ANXA2: variants seen among roughly 807,000 people sequenced by gnomAD.
ANXA2 encodes annexin II.
Under a neutral mutation model 47.3 loss-of-function variants are expected in ANXA2, and 28 were observed. That is an observed-to-expected ratio of 0.59 (90% confidence interval 0.44 to 0.81). The LOEUF (loss-of-function observed/expected upper bound fraction) is 0.81, where lower values mean the gene tolerates loss of function less well. ANXA2 is among the 40% of genes least tolerant of loss of function. The pLI is 0.00. For missense variants in ANXA2, 384 were observed against 414.3 expected, an observed-to-expected ratio of 0.93 and a Z score of 0.64; for synonymous variants, 172 against 155.5, an observed-to-expected ratio of 1.11 and a Z score of -0.79.
intron 1 of ANXA2, among the ~76,000 whole-genome samples, chr15:60,388,959 T>C (rs150246868): frequency 3.9e-5 from 6 of 152,138 alleles, no homozygotes; most frequent in Admixed American, 6.5e-5. Flanking sequence ...GCTGACAGTC[T>C]TCTTGACAGA....
intron 11 of ANXA2, among the ~76,000 whole-genome samples, chr15:60,350,137 GAGGGGAAGGCAGGGAGGC>G (rs1366879192): frequency 0.015 from 503 of 33,282 alleles, 122 homozygotes; most frequent in Middle Eastern, 0.036. Flanking sequence ...GGCAGGGAGG[GAGGGGAAGGCAGGGAGGC>G]AGGGGAAGGC....
intron 12 of ANXA2, 87 bp downstream of exon 12, chr15:60,348,988 C>G: frequency 6.6e-7 from 1 of 1,518,030 alleles, no homozygotes; most frequent in Non-Finnish European, 9.0e-7. Context: ...AGAAAATCGC[C>G]ACTCTGTCAT....
intron 3 of ANXA2, among the ~76,000 whole-genome samples, chr15:60,367,326 C>A (rs1340060862): frequency 8.1e-6 from 1 of 123,594 alleles, no homozygotes; most frequent in Non-Finnish European, 1.7e-5. Context: ...GGCGCCTCTG[C>A]CCGGCCGCCC....
At chr15:60,397,164 C>A in intron 1 of ANXA2, 2 of 683,024 alleles carry the variant, frequency 2.9e-6, no homozygotes, top group African/African-American at 3.9e-5. Context: ...GGCCCCGGGG[C>A]CACGCCCTTC....
rs570545585 is a variant in ANXA2, at chr15:60,382,312, T to C, written c.148+30A>G. 5 of 1,565,454 alleles carry C rather than the reference T, an allele frequency of 3.2e-6. No homozygotes were observed. The African/African-American group carries it at 5.4e-5, about 17-fold the overall frequency. ...AACCAAAAATGTCTCAGTAAGACCC[T>C]GACAAGAAGAGGACAAATGTATCAC... On this transcript the variant is annotated intron_variant, in intron 3 of 12. Transcript: ENST00000451270.
intron 5 of ANXA2, among the ~76,000 whole-genome samples, chr15:60,357,713 G>T (rs926693298): frequency 1.3e-5 from 2 of 151,672 alleles, no homozygotes; most frequent in Admixed American, 6.6e-5. Flanking sequence ...AGAATGGCGT[G>T]AACCTGGGAG....
In ANXA2 at chr15:60,354,187, G is replaced by A. The variant is rs1234698939; in HGVS notation, c.555C>T (p.Val185=). The change falls in exon 8 of 13, where the codon GTC becomes GTT. Residue 185 remains valine (V), a synonymous_variant. Coordinates refer to ENST00000451270, the MANE Select transcript of ANXA2 (RefSeq NM_004039.3). The part of the protein sequence containing the change: ...AKGRRAEDGS[V]IDYELIDQDA... ...CTTGGTCAATCAGTTCATAATCAAT[G>A]ACAGAGCCATCCTCTGCTCTTCTAC... 2 of 1,613,782 alleles carry A rather than the reference G, an allele frequency of 1.2e-6. No individual in the cohort carries two copies. Among genetic ancestry groups the A allele is most frequent in the Admixed American group, 3.3e-5 (2 of 59,972 alleles).
intron 4 of ANXA2, among the ~76,000 whole-genome samples, chr15:60,362,031 G>A (rs1376973284): frequency 6.6e-6 from 1 of 151,920 alleles, no homozygotes; most frequent in African/African-American, 2.4e-5. Context: ...ATGCTTCAGA[G>A]ACAACCATGC....
At chr15:60,381,546 C>A (rs1391453584) in intron 3 of ANXA2, among the ~76,000 whole-genome samples, 1 of 152,108 alleles carries the variant, frequency 6.6e-6, no homozygotes, top group East Asian at 1.9e-4. Flanking sequence ...TCTTGCTCAA[C>A]CCTAACCAGT....
chr15:60,377,890 C>T (rs546023786), intron 3 of ANXA2, among the ~76,000 whole-genome samples: 6 of 152,060 alleles, frequency 3.9e-5, no homozygotes, highest in South Asian at 2.1e-4. Context: ...GAGTGCGAGA[C>T]GAGCCTGGCC....
At chr15:60,368,031 G>C (rs1312388581) in intron 3 of ANXA2, among the ~76,000 whole-genome samples, 1 of 128,108 alleles carries the variant, frequency 7.8e-6, no homozygotes, top group Non-Finnish European at 1.6e-5. Flanking sequence ...TGTGCTCTCT[G>C]AAACATGTGC....
chr15:60,364,115 C>T (rs1473381368), intron 4 of ANXA2, among the ~76,000 whole-genome samples: 1 of 152,206 alleles, frequency 6.6e-6, no homozygotes, highest in Admixed American at 6.5e-5. Context: ...CGCTCTGCCT[C>T]CTCTCAGATC....
intron 1 of ANXA2, among the ~76,000 whole-genome samples, chr15:60,388,419 C>T (rs1009601829): frequency 2.0e-5 from 3 of 152,068 alleles, no homozygotes; most frequent in Non-Finnish European, 4.4e-5. Context: ...TGCTATGTTG[C>T]CCAGGCTGGT....
intron 5 of ANXA2, among the ~76,000 whole-genome samples, chr15:60,360,704 G>A (rs2062500031): frequency 6.6e-6 from 1 of 152,186 alleles, no homozygotes; most frequent in Admixed American, 6.5e-5. Context: ...CCCAGGTGCT[G>A]AGTAGTAGCA....
chr15:60,371,220 A>AC (rs934575037), intron 3 of ANXA2, among the ~76,000 whole-genome samples: 5 of 152,200 alleles, frequency 3.3e-5, no homozygotes, highest in East Asian at 1.9e-4. Context: ...GATCGTGGGC[A>AC]CCCCCAGAGG....
intron 1 of ANXA2, chr15:60,386,344 G>C (rs2062933106): frequency 2.6e-6 from 1 of 389,910 alleles, no homozygotes; most frequent in Non-Finnish European, 4.6e-6. Context: ...GGAGACTGAT[G>C]TGTGAATGCA....
chr15:60,390,162 G>GAAA, intron 1 of ANXA2: 4 of 510,708 alleles, frequency 7.8e-6, no homozygotes, highest in Non-Finnish European at 1.0e-5. Flanking sequence ...CCATTTTGCA[G>GAAA]AAAAAAAAAA....
rs147715535 is a variant in ANXA2, at chr15:60,364,308, A to C, written c.243+121T>G. 1,245 of 765,492 alleles carry C rather than the reference A, an allele frequency of 1.6e-3. 14 individuals are homozygous for C. In the African/African-American group the frequency reaches 0.02, roughly 12 times the overall value. 47.4% of individuals were successfully genotyped at this position (765,492 alleles called of 1,614,324 possible). On this transcript the variant is annotated intron_variant, in intron 4 of 12. Transcript: ENST00000451270. Reference sequence around the variant, plus strand: ...CAAGGATTTAAGAAGAAAATCTTAGATATCCAAGGGTCCCACAAGTCTTTT... The same window carrying C: ...CAAGGATTTAAGAAGAAAATCTTAGCTATCCAAGGGTCCCACAAGTCTTTT...
chr15:60,385,861 A>G, intron 2 of ANXA2, 167 bp downstream of exon 2: 1 of 535,088 alleles, frequency 1.9e-6, no homozygotes, highest in South Asian at 3.1e-5. Context: ...ATTTCCTTCA[A>G]ATTGAACTAC....
Sources: gnomAD v4.1 joint callset for allele counts (sites outside exome capture counted in the v4.1 genomes callset) on GRCh38, gnomAD v4.1.1 for gene constraint, MANE v1.5 for transcripts, NCBI Gene and HGNC (gene_info 2026-07-23, HGNC 2026-07-21) for gene names.